The following RPS6KA5 variants were observed in gnomAD, a reference collection of about 807,000 sequenced individuals.
RPS6KA5 encodes the protein ribosomal protein S6 kinase alpha-5.
Under a neutral mutation model 85.5 loss-of-function variants are expected in RPS6KA5, and 27 were observed. The ratio of observed to expected loss-of-function variants is 0.32; its 90% CI spans 0.23 to 0.44. The LOEUF (loss-of-function observed/expected upper bound fraction) is 0.44. RPS6KA5 is among the 20% of genes least tolerant of loss of function. RPS6KA5 has a pLI of 1.00. For missense variants in RPS6KA5, 811 were observed against 980.9 expected, an observed-to-expected ratio of 0.83 and a Z score of 2.31; for synonymous variants, 334 against 348.2, an observed-to-expected ratio of 0.96 and a Z score of 0.46.
intron 1 of RPS6KA5, among the ~76,000 whole-genome samples, chr14:91,028,418 C>A (rs1442138618): frequency 6.6e-6 from 1 of 152,014 alleles, no homozygotes; most frequent in Non-Finnish European, 1.5e-5. Context: ...GGTCTTCCTA[C>A]GTTGCCCAGG....
At position 90,960,153 on chromosome 14, in the gene RPS6KA5, C is replaced by T. The variant is rs148869123; in HGVS notation, c.395-12603G>A. Among the ~76,000 whole-genome samples the T allele has an allele frequency of 7.1e-4, 108 of 152,120 alleles. No individual in the cohort carries two copies. The East Asian group carries it at 0.015, about 22-fold the overall frequency. On this transcript the variant is annotated intron_variant, in intron 3 of 16. Transcript: ENST00000614987. ...GGTTCAGAGCTTAAGAAAAGTGAGA[C>T]GGAGCAAGGGATTTTCATTTCAACA...
chr14:90,934,184 ACT>A (rs2140327957), intron 5 of RPS6KA5, among the ~76,000 whole-genome samples: 1 of 152,328 alleles, frequency 6.6e-6, no homozygotes, highest in Admixed American at 6.5e-5. Flanking sequence ...AGATCTCAAC[ACT>A]GAGATAGAAC....
chr14:91,006,362 A>G, intron 1 of RPS6KA5, among the ~76,000 whole-genome samples: 1 of 152,202 alleles, frequency 6.6e-6, no homozygotes, highest in East Asian at 1.9e-4. Flanking sequence ...GAATGTTTGT[A>G]TCCTCCAAAA....
intron 3 of RPS6KA5, among the ~76,000 whole-genome samples, chr14:90,963,829 A>G (rs1566799780): frequency 6.6e-6 from 1 of 152,240 alleles, no homozygotes; most frequent in Non-Finnish European, 1.5e-5. Context: ...GTTACTACTT[A>G]AGTGAAACAG....
At chr14:90,975,733 G>A (rs2039535845) in intron 3 of RPS6KA5, among the ~76,000 whole-genome samples, 2 of 152,234 alleles carry the variant, frequency 1.3e-5, no homozygotes, top group Non-Finnish European at 2.9e-5. Context: ...GACCTAGTGT[G>A]CATTAGGGCA....
chr14:90,942,895 G>A (rs998543865), intron 5 of RPS6KA5, among the ~76,000 whole-genome samples, 183 bp downstream of exon 5: 18 of 151,980 alleles, frequency 1.2e-4, no homozygotes, highest in African/African-American at 3.9e-4. Flanking sequence ...AAGGTTTACC[G>A]CAATTTTAAC....
intron 7 of RPS6KA5, among the ~76,000 whole-genome samples, chr14:90,919,246 C>A (rs2036276803): frequency 6.6e-6 from 1 of 152,194 alleles, no homozygotes; most frequent in African/African-American, 2.4e-5. Context: ...GAAATGCTCT[C>A]AAGGCAGTAA....
In RPS6KA5 at chr14:90,888,657, A is replaced by C. The variant is rs547319459; in HGVS notation, c.1836+1830T>G. Among the ~76,000 whole-genome samples, 8 of 152,320 alleles carry C rather than the reference A, an allele frequency of 5.3e-5. No individual in the cohort carries two copies. The East Asian group carries it at 1.5e-3, about 29-fold the overall frequency. ...TGACACTAAAATAAATTCCAGACTTAAGTGTAAGAACAAAATAATTCTAGA... is the reference window on the plus strand; with the variant it reads ...TGACACTAAAATAAATTCCAGACTTCAGTGTAAGAACAAAATAATTCTAGA... On this transcript the variant is annotated intron_variant, in intron 14 of 16. Transcript: ENST00000614987.
At chr14:90,969,140 T>C (rs1305912354) in intron 3 of RPS6KA5, among the ~76,000 whole-genome samples, 1 of 152,194 alleles carries the variant, frequency 6.6e-6, no homozygotes, top group Non-Finnish European at 1.5e-5. Flanking sequence ...ACCAGTAAAT[T>C]TGTTTCTTAA....
At chr14:91,016,671 T>C (rs1316858702) in intron 1 of RPS6KA5, among the ~76,000 whole-genome samples, 1 of 152,044 alleles carries the variant, frequency 6.6e-6, no homozygotes, top group Non-Finnish European at 1.5e-5. Flanking sequence ...CATTCCACCA[T>C]CAAATGAAAG....
At chr14:90,983,320 T>C (rs1034860767) in intron 2 of RPS6KA5, among the ~76,000 whole-genome samples, 1 of 148,534 alleles carries the variant, frequency 6.7e-6, no homozygotes, top group Non-Finnish European at 1.5e-5. Flanking sequence ...ATGAGCAAAG[T>C]ATGGGCACAG....
At chr14:90,900,812 CT>C (rs1030373637) in intron 9 of RPS6KA5, 76 bp from the exon 10 acceptor site, 25 of 1,270,686 alleles carry the variant, frequency 2.0e-5, no homozygotes, top group African/African-American at 6.1e-5. Context: ...ATTGTAATGA[CT>C]TTTTTTCCTT....
intron 1 of RPS6KA5, among the ~76,000 whole-genome samples, chr14:91,043,231 C>T (rs1262108525): frequency 6.6e-6 from 1 of 152,164 alleles, no homozygotes; most frequent in Non-Finnish European, 1.5e-5. Flanking sequence ...TCTATCGATT[C>T]CTTTAATTTT....
At chr14:91,044,321 G>A (rs1333710539) in intron 1 of RPS6KA5, among the ~76,000 whole-genome samples, 2 of 137,154 alleles carry the variant, frequency 1.5e-5, no homozygotes, top group Non-Finnish European at 3.1e-5. Context: ...GAGAGAGAAA[G>A]AGAGAGAGAA....
intron 2 of RPS6KA5, among the ~76,000 whole-genome samples, chr14:90,996,588 A>T (rs2040529976): frequency 6.6e-6 from 1 of 152,222 alleles, no homozygotes; most frequent in Non-Finnish European, 1.5e-5. Context: ...ACAGCTATAA[A>T]TCTATTTTTA....
rs757889054 is a variant in RPS6KA5, at chr14:90,900,778, G to C, written c.1120-42C>G. 3 of 1,556,668 alleles carry C rather than the reference G, an allele frequency of 1.9e-6. No individual in the cohort carries two copies. The South Asian group carries it at 3.6e-5, about 19-fold the overall frequency. On this transcript the variant is annotated intron_variant, in intron 9 of 16. Transcript: ENST00000614987. ...GAAAGATAAAGAAAAACAACTTGCA[G>C]TTTTCCAGTTTAACACAGATTAGAT... is the stretch of plus-strand genomic sequence containing the variant.
intron 5 of RPS6KA5, among the ~76,000 whole-genome samples, chr14:90,929,386 A>G (rs996295629): frequency 1.3e-5 from 2 of 152,118 alleles, no homozygotes; most frequent in Non-Finnish European, 2.9e-5. Context: ...CTATACAAAA[A>G]TCCAAGTCAA....
intron 1 of RPS6KA5, among the ~76,000 whole-genome samples, chr14:91,053,916 C>T: frequency 6.6e-6 from 1 of 152,160 alleles, no homozygotes; most frequent in Non-Finnish European, 1.5e-5. Flanking sequence ...GAATAAGACT[C>T]ACACTTCTCA....
At chr14:90,945,784 T>C (rs923238261) in intron 4 of RPS6KA5, among the ~76,000 whole-genome samples, 5 of 152,152 alleles carry the variant, frequency 3.3e-5, no homozygotes, top group Admixed American at 6.5e-5. Flanking sequence ...GGCGGGCAGA[T>C]TGCTTGAGTC....
Sources: allele counts gnomAD v4.1 joint callset (sites outside exome capture counted in the v4.1 genomes callset), GRCh38; gene constraint gnomAD v4.1.1; transcripts MANE v1.5; gene names NCBI Gene and HGNC (gene_info 2026-07-23, HGNC 2026-07-21).